Variants in STRA6 observed in about 807,000 individuals in gnomAD.
STRA6 encodes signaling receptor and transporter of retinol STRA6, also known as receptor for retinol uptake STRA6.
STRA6 carries 48 observed loss-of-function variants against 83.6 expected under a neutral mutation model. That is an observed-to-expected ratio of 0.57 (90% confidence interval 0.46 to 0.73). The LOEUF is 0.73. STRA6 is among the 30% of genes least tolerant of loss of function. The pLI is 0.00. For synonymous variants in STRA6, 353 were observed against 362.3 expected (o/e 0.97, Z 0.29); for missense variants, 760 against 838.8 (o/e 0.91, Z 1.16).
At position 74,189,154 on chromosome 15, in the gene STRA6, C is replaced by T; in HGVS notation, c.1051G>A (p.Val351Met). ...AGATGGTGCTTCACCAGCTCCACCA[C>T]CTCCTGCTTGTCCTCGGAGAGCACG... ...GIVLSEDKQE[V>M]VELVKHHLWA... The change falls in exon 12 of 19, where the codon GTG becomes ATG. Residue 351 changes from valine to methionine, a missense_variant. Physicochemically the swap from Val to Met is conservative, Grantham distance 21. Coordinates refer to ENST00000395105, the MANE Select transcript of STRA6 (RefSeq NM_022369.4). 1 of 1,614,176 alleles carries T rather than the reference C, an allele frequency of 6.2e-7. No homozygotes were observed. Among genetic ancestry groups the T allele is most frequent in the Non-Finnish European group, 8.5e-7 (1 of 1,180,044 alleles).
chr15:74,191,787 C>A, intron 8 of STRA6: 1 of 506,908 alleles, frequency 2.0e-6, no homozygotes, highest in Admixed American at 3.2e-5. Context: ...AGTCACATCT[C>A]TTCACCGTTT....
In STRA6 at chr15:74,197,794, G is replaced by C. The variant is rs140547600; in HGVS notation, c.138C>G (p.Ser46Arg). Residue 46 changes from serine (S) to arginine (R), a missense_variant, in exon 3 of 19, where the codon AGC becomes AGG. Ser to Arg is a moderately radical substitution (Grantham distance 110). Transcript: ENST00000395105. ...PEGEVPSCHT[S>R]IPPGLYHACL... is the part of the protein sequence containing the mutation. ...AGGCGTGGTACAGGCCGGGTGGTAT[G>C]CTGGTGTGGCAGGAGGGCACTTCCC... The C allele has an allele frequency of 1.9e-5, 30 of 1,613,486 alleles. No individual in the cohort carries two copies. In the African/African-American group the frequency reaches 2.9e-4, roughly 16 times the overall value.
Position 74,188,580 on chromosome 15 carries a change from T to C in STRA6, c.1090+535A>G, listed in dbSNP as rs977504882. Among the ~76,000 whole-genome samples, 1 of 152,118 alleles carries C rather than the reference T, an allele frequency of 6.6e-6. No individual in the cohort carries two copies. The highest frequency in any genetic ancestry group is 2.4e-5 in the African/African-American group (1 of 41,430). On this transcript the variant is annotated intron_variant, in intron 12 of 18. Coordinates refer to ENST00000395105, the MANE Select transcript of STRA6 (RefSeq NM_022369.4). This position sits in a 1 kb window ranked among gnomAD's most constrained non-coding sequence, Gnocchi z 4.5. ...GCGCCCAGGAGGCAGAGTAAGTAGG[T>C]GGCTGCAGGAGGCATCAGACCACAG...
Position 74,185,064 on chromosome 15 carries a change from C to G in STRA6, c.1091-9G>C. On this transcript the variant is annotated splice_polypyrimidine_tract_variant and intron_variant, in intron 12 of 18. Coordinates refer to ENST00000395105, the MANE Select transcript of STRA6 (RefSeq NM_022369.4). ...GGCTGAGATGTAGCACACTGGTGGG[C>G]AGAGAATGAGCAAAGTGAGAGGTCA... The G allele has an allele frequency of 6.2e-7, 1 of 1,613,636 alleles. No homozygotes were observed. The highest frequency in any genetic ancestry group is 8.5e-7 in the Non-Finnish European group (1 of 1,179,786).
upstream of STRA6, among the ~76,000 whole-genome samples, chr15:74,204,338 A>G (rs2074206933): frequency 6.6e-6 from 1 of 152,174 alleles, no homozygotes; most frequent in African/African-American, 2.4e-5. Flanking sequence ...GGACTTCAGA[A>G]ATTGAGCTTG....
intron 17 of STRA6, 66 bp from the exon 18 acceptor site, chr15:74,181,003 C>T: frequency 6.3e-7 from 1 of 1,597,472 alleles, no homozygotes; most frequent in Non-Finnish European, 8.5e-7. Flanking sequence ...TCCAGACATC[C>T]CCTAACACAC....
At position 74,180,131 on chromosome 15, in the gene STRA6, C is replaced by A. The variant is rs1333120636; in HGVS notation, c.1953G>T (p.Leu651=). ...LAYTLLHNPT[L]QVFRKTALLG... ...ACAGGGCCGTCTTGCGGAAGACCTG[C>A]AGGGTTGGGTTGTGCAGCAGCGTGT... The change falls in exon 19 of 19, where the codon CTG becomes CTT. Residue 651 remains leucine, a synonymous_variant. Coordinates refer to ENST00000395105, the MANE Select transcript of STRA6 (RefSeq NM_022369.4). 6 of 1,613,730 alleles carry A rather than the reference C, an allele frequency of 3.7e-6. No individual in the cohort carries two copies. Among genetic ancestry groups the A allele is most frequent in the Non-Finnish European group, 5.1e-6 (6 of 1,179,766 alleles).
chr15:74,184,006 G>A lies in STRA6; in HGVS notation c.1167-17C>T. On this transcript the variant is annotated splice_polypyrimidine_tract_variant and intron_variant, in intron 13 of 18. Transcript: ENST00000395105. Reference sequence around the variant, plus strand: ...AGGTTGGTCCTGGGGTGGGAGCCAGGGAGGCAGAGACCTCAGGGAGCAACA... The same window carrying A: ...AGGTTGGTCCTGGGGTGGGAGCCAGAGAGGCAGAGACCTCAGGGAGCAACA... The A allele has an allele frequency of 1.2e-6, 2 of 1,611,802 alleles. No homozygotes were observed. Among genetic ancestry groups the A allele is most frequent in the South Asian group, 2.2e-5 (2 of 91,072 alleles).
intron 14 of STRA6, 162 bp from the exon 15 acceptor site, chr15:74,182,622 T>C: frequency 1.6e-6 from 1 of 621,406 alleles, no homozygotes; most frequent in Non-Finnish European, 2.9e-6. Context: ...TCACTTTACT[T>C]CATTGAGCCT....
intron 18 of STRA6, 105 bp downstream of exon 18, chr15:74,180,677 T>G: frequency 4.7e-6 from 7 of 1,481,796 alleles, no homozygotes; most frequent in Non-Finnish European, 6.3e-6. Flanking sequence ...AGAGAGGAAG[T>G]GAGAATTTTC....
chr15:74,190,118 G>A (rs1444111199), intron 11 of STRA6, among the ~76,000 whole-genome samples: 1 of 152,140 alleles, frequency 6.6e-6, no homozygotes, highest in Non-Finnish European at 1.5e-5. Context: ...GGGTGTTCCT[G>A]GAACCAACCC....
chr15:74,191,044 G>C, intron 10 of STRA6, 123 bp downstream of exon 10: 2 of 1,566,366 alleles, frequency 1.3e-6, no homozygotes, highest in Non-Finnish European at 1.7e-6. Flanking sequence ...GTCCCAAGCT[G>C]GTAGTTGTCC....
Position 74,193,882 on chromosome 15 carries a change from A to G in STRA6, c.638T>C (p.Leu213Pro), listed in dbSNP as rs746188408. Residue 213 changes from leucine to proline, a missense_variant, in exon 8 of 19, where the codon CTG becomes CCG. By Grantham distance (98) the Leu-to-Pro change is moderately conservative. Coordinates refer to ENST00000395105, the MANE Select transcript of STRA6 (RefSeq NM_022369.4). ...AAGGCTCAGGAATCCGAGGCCCAGC[A>G]GGAGAGGCAGGGAGGCCAGCAGGGA... ...YYSLLASLPL[L>P]LGLGFLSLWY... The G allele has an allele frequency of 1.2e-6, 2 of 1,613,926 alleles. No individual in the cohort carries two copies. Among genetic ancestry groups the G allele is most frequent in the Non-Finnish European group, 1.7e-6 (2 of 1,179,832 alleles).
At chr15:74,189,660 C>A (rs1181470462) in intron 11 of STRA6, among the ~76,000 whole-genome samples, 1 of 150,992 alleles carries the variant, frequency 6.6e-6, no homozygotes, top group African/African-American at 2.4e-5. Flanking sequence ...AGTAGGACAA[C>A]TTCTTCTTTT....
chr15:74,194,002 C>T (rs753913633), intron 7 of STRA6, 80 bp from the exon 8 acceptor site: 3 of 1,585,560 alleles, frequency 1.9e-6, no homozygotes, highest in Middle Eastern at 3.4e-4. Flanking sequence ...CCCTTCCCAC[C>T]TCACACTGGG....
In STRA6 at chr15:74,185,003, C is replaced by T. The variant is rs2073172954; in HGVS notation, c.1143G>A (p.Leu381=). 6.2e-7 allele frequency: 1 copy of T among 1,613,900 alleles called. No individual in the cohort carries two copies. Among genetic ancestry groups the T allele is most frequent in the Admixed American group, 1.7e-5 (1 of 59,994 alleles). The change falls in exon 13 of 19, where the codon CTG becomes CTA. Residue 381 remains leucine, a synonymous_variant. Transcript: ENST00000395105. Reference sequence around the variant, plus strand: ...ACCTGTGTGTCACCAGTGAGCGCATCAGGACCAGGAAGGTGAGTAAGCAGG... The same window carrying T: ...ACCTGTGTGTCACCAGTGAGCGCATTAGGACCAGGAAGGTGAGTAAGCAGG... ...VLSCLLTFLV[L]MRSLVTHRTN...
At chr15:74,209,055 C>G (rs7178412), upstream of STRA6, 198 of 1,200,304 alleles carry the variant, frequency 1.6e-4, no homozygotes, top group Middle Eastern at 3.0e-3. Context: ...GCAGCTCCCC[C>G]CTTCTCCAGT....
Position 74,197,301 on chromosome 15 carries a change from G to A in STRA6, c.266+37C>T, listed in dbSNP as rs148373434. The A allele has an allele frequency of 1.6e-3, 2,426 of 1,479,210 alleles. 7 individuals are homozygous for A. The highest frequency in any genetic ancestry group is 2.0e-3 in the Non-Finnish European group (2,189 of 1,082,304). The allele number at this position is 1,479,210 out of a possible 1,614,324, so 91.6% of individuals were successfully genotyped here. On this transcript the variant is annotated intron_variant, in intron 4 of 18. Coordinates refer to ENST00000395105, the MANE Select transcript of STRA6 (RefSeq NM_022369.4). ...CTCCCAGAGGGACCCTGTCAGCTGG[G>A]TCCCCTGAGTGGGGGTGCCCAGGCC...
intron 12 of STRA6, among the ~76,000 whole-genome samples, chr15:74,185,496 C>A (rs1235730468): frequency 6.6e-6 from 1 of 152,188 alleles, no homozygotes; most frequent in African/African-American, 2.4e-5. Context: ...CCATAAGGCC[C>A]CATCCACGTC....
Sources: gnomAD v4.1 joint callset for allele counts (sites outside exome capture counted in the v4.1 genomes callset) on GRCh38, gnomAD v4.1.1 for gene constraint, Gnocchi (gnomAD v3.1) non-coding constraint, MANE v1.5 for transcripts, NCBI Gene and HGNC (gene_info 2026-07-23, HGNC 2026-07-21) for gene names.